Variants in RALGPS1 observed in about 807,000 individuals in gnomAD.
RALGPS1 encodes Ral GEF with PH domain and SH3 binding motif 1.
A neutral mutation model predicts 78.8 loss-of-function variants in RALGPS1; 19 were observed. That is an observed-to-expected ratio of 0.24 (90% CI 0.17 to 0.35). The LOEUF (loss-of-function observed/expected upper bound fraction) is 0.35, where lower values mean the gene tolerates loss of function less well. Among genes scored for constraint, RALGPS1 ranks in the 10% least tolerant of loss-of-function variants. The probability of loss-of-function intolerance (pLI) is 1.00; values close to 1 mark genes in which losing one functional copy is unlikely to be tolerated. For synonymous variants in RALGPS1, 228 were observed against 256.3 expected, an observed-to-expected ratio of 0.89 and a Z score of 1.06; for missense variants, 454 against 688.3, an observed-to-expected ratio of 0.66 and a Z score of 3.81.
At chr9:126,992,473 T>C (rs2042368523) in intron 4 of RALGPS1, among the ~76,000 whole-genome samples, 1 of 152,230 alleles carries the variant, frequency 6.6e-6, no homozygotes, top group South Asian at 2.1e-4. Flanking sequence ...TGTTATTCTG[T>C]TTCAAAATTG....
chr9:127,217,428 A>G, intron 18 of RALGPS1: 1 of 988,634 alleles, frequency 1.0e-6, no homozygotes, highest in Middle Eastern at 5.2e-4. Flanking sequence ...AGAGTGTGAC[A>G]GAAATGCATC....
At chr9:127,201,460 A>C (rs1276506188) in intron 14 of RALGPS1, among the ~76,000 whole-genome samples, 2 of 152,216 alleles carry the variant, frequency 1.3e-5, no homozygotes, top group African/African-American at 4.8e-5. Flanking sequence ...CCCCTTGGCC[A>C]CCGGCCTCCA....
chr9:127,029,797 G>A (rs879481616), intron 4 of RALGPS1, among the ~76,000 whole-genome samples: 3 of 152,162 alleles, frequency 2.0e-5, no homozygotes, highest in African/African-American at 4.8e-5. Flanking sequence ...CTCCAGACAC[G>A]GTCAGGGTTG....
intron 4 of RALGPS1, among the ~76,000 whole-genome samples, chr9:127,026,614 C>T (rs913669839): frequency 8.5e-5 from 13 of 152,144 alleles, no homozygotes; most frequent in Non-Finnish European, 1.6e-4. Context: ...GGGGTTTTTT[C>T]TAAGTTTTTG....
At chr9:127,143,166 G>A (rs772247102) in intron 8 of RALGPS1, among the ~76,000 whole-genome samples, 30 of 152,100 alleles carry the variant, frequency 2.0e-4, no homozygotes, top group Non-Finnish European at 3.5e-4. Context: ...TAAATACCCT[G>A]GTGTGTACAA....
At chr9:127,033,419 C>G (rs1190848311) in intron 4 of RALGPS1, among the ~76,000 whole-genome samples, 1 of 152,110 alleles carries the variant, frequency 6.6e-6, no homozygotes, top group African/African-American at 2.4e-5. Context: ...CCTACTGCTC[C>G]CCTCCCTGCT....
chr9:127,179,042 G>T (rs2060055023), intron 11 of RALGPS1, among the ~76,000 whole-genome samples: 1 of 152,232 alleles, frequency 6.6e-6, no homozygotes, highest in Non-Finnish European at 1.5e-5. Context: ...GGTCCTGTAG[G>T]CACCTGGTCC....
chr9:127,035,577 C>T (rs1182032280), intron 5 of RALGPS1, among the ~76,000 whole-genome samples: 2 of 152,102 alleles, frequency 1.3e-5, no homozygotes, highest in African/African-American at 4.8e-5. Flanking sequence ...TCCCTTTGGG[C>T]CCTCTCTCCA....
At chr9:126,962,629 C>A (rs1400484474) in intron 2 of RALGPS1, among the ~76,000 whole-genome samples, 1 of 152,238 alleles carries the variant, frequency 6.6e-6, no homozygotes, top group African/African-American at 2.4e-5. Context: ...AGGGATCAGA[C>A]CTTTCCCAGG....
intron 4 of RALGPS1, among the ~76,000 whole-genome samples, chr9:126,982,768 T>TTTC (rs922146136): frequency 4.0e-5 from 6 of 151,008 alleles, no homozygotes; most frequent in Non-Finnish European, 8.8e-5. Flanking sequence ...TTTTAAAATA[T>TTTC]TTCTTCTTCT....
At chr9:126,991,072 G>A (rs10513473) in intron 4 of RALGPS1, among the ~76,000 whole-genome samples, 26,348 of 152,126 alleles carry the variant, frequency 0.17, 3,007 homozygotes, top group East Asian at 0.44. Flanking sequence ...TAGAGCTATC[G>A]TTACTTAGCA....
At chr9:127,025,901 C>T (rs900194549) in intron 4 of RALGPS1, among the ~76,000 whole-genome samples, 1 of 151,858 alleles carries the variant, frequency 6.6e-6, no homozygotes, top group African/African-American at 2.4e-5. Context: ...GACAGGGTTG[C>T]ACTATATTGC....
At chr9:127,188,885 A>G (rs549733099) in intron 11 of RALGPS1, among the ~76,000 whole-genome samples, 2 of 147,088 alleles carry the variant, frequency 1.4e-5, no homozygotes, top group African/African-American at 5.0e-5. Context: ...CTATAATCCC[A>G]GCTGCTTGGG....
chr9:126,952,656 A>AGAGAGAGT lies in RALGPS1; in HGVS notation c.-65-9568_-65-9567insAGAGAGTG, dbSNP rs1554763340. On this transcript the variant is annotated intron_variant, in intron 1 of 18. Coordinates refer to ENST00000259351, the MANE Select transcript of RALGPS1 (RefSeq NM_014636.3). ...GAGAGAGAGAGAGAGAGAGAGAGAG[A>AGAGAGAGT]GTGTGTGTGTGTGTGTGTGTGTGTC... 1.8e-4 allele frequency among the ~76,000 whole-genome samples: 25 copies of AGAGAGAGT among 138,918 alleles called. No individual in the cohort carries two copies. In the South Asian group the frequency reaches 4.4e-3, roughly 24 times the overall value. The allele number at this position is 138,918 out of a possible 152,430, so 91.1% of individuals were successfully genotyped here. A position where few individuals can be genotyped will look rare whatever the true frequency, so the allele number is the denominator to read the frequency against.
chr9:127,108,227 T>A, intron 8 of RALGPS1: 5 of 1,614,082 alleles, frequency 3.1e-6, no homozygotes, highest in Non-Finnish European at 4.2e-6. Flanking sequence ...AGCTGCAGCA[T>A]GTCGGCTGTC....
intron 8 of RALGPS1, among the ~76,000 whole-genome samples, chr9:127,144,882 C>T (rs1302752513): frequency 1.3e-5 from 2 of 152,136 alleles, no homozygotes; most frequent in African/African-American, 4.8e-5. Flanking sequence ...GTGTAGCATT[C>T]CATTTTGAGG....
At chr9:127,163,618 A>G (rs2059139405) in intron 8 of RALGPS1, among the ~76,000 whole-genome samples, 2 of 152,242 alleles carry the variant, frequency 1.3e-5, no homozygotes, top group Non-Finnish European at 2.9e-5. Flanking sequence ...CTGTAATGGC[A>G]GGAAGTGTGT....
At position 127,011,181 on chromosome 9, in the gene RALGPS1, C is replaced by T. The variant is rs192341486; in HGVS notation, c.217-23250C>T. ...ACCGAGAGCCCACCACCCCCCAGCC[C>T]GCCTTTTTTTTTTGAGATGGAGTTT... is the stretch of plus-strand genomic sequence containing the variant. On this transcript the variant is annotated intron_variant, in intron 4 of 18. Coordinates refer to ENST00000259351, the MANE Select transcript of RALGPS1 (RefSeq NM_014636.3). Among the ~76,000 whole-genome samples the T allele has an allele frequency of 3.9e-3, 593 of 151,912 alleles. 5 individuals carry two copies. Among genetic ancestry groups the T allele is most frequent in the African/African-American group, 0.013 (556 of 41,460 alleles).
rs551303281 is a variant in RALGPS1, at chr9:127,047,421, G to A, written c.301-2622G>A. Among the ~76,000 whole-genome samples the A allele has an allele frequency of 3.9e-5, 6 of 152,212 alleles. No homozygotes were observed. In the South Asian group the frequency reaches 6.2e-4, roughly 16 times the overall value. On this transcript the variant is annotated intron_variant, in intron 5 of 18. Transcript: ENST00000259351. Reference sequence around the variant, plus strand: ...CTATATAGAGAAAAAAAAGATGGCCGGGCATGGTGGCTCATGCCTGTAATC... The same window carrying A: ...CTATATAGAGAAAAAAAAGATGGCCAGGCATGGTGGCTCATGCCTGTAATC...
Sources: allele counts gnomAD v4.1 joint callset (sites outside exome capture counted in the v4.1 genomes callset), GRCh38; gene constraint gnomAD v4.1.1; transcripts MANE v1.5; gene names NCBI Gene and HGNC (gene_info 2026-07-23, HGNC 2026-07-21).